The following STXBP5 variants were observed in gnomAD, a reference collection of about 807,000 sequenced individuals.
The protein encoded by STXBP5 is syntaxin binding protein 5.
Under a neutral mutation model 152.4 loss-of-function variants are expected in STXBP5, and 50 were observed. That is an observed-to-expected ratio of 0.33 (90% confidence interval 0.26 to 0.42). STXBP5 has a LOEUF of 0.42. Ranked by LOEUF, STXBP5 falls within the 10% of genes least tolerant of loss-of-function variation. The probability of loss-of-function intolerance (pLI) is 1.00; values close to 1 mark genes in which losing one functional copy is unlikely to be tolerated. For missense variants in STXBP5, 1,167 were observed against 1,388.6 expected, an observed-to-expected ratio of 0.84 and a Z score of 2.54; for synonymous variants, 492 against 494.7, an observed-to-expected ratio of 0.99 and a Z score of 0.07.
chr6:147,223,988 T>C (rs1255925354), intron 2 of STXBP5, among the ~76,000 whole-genome samples: 1 of 151,764 alleles, frequency 6.6e-6, no homozygotes, highest in East Asian at 2.1e-4. Context: ...TGTGAAACTG[T>C]TACGTGAAAT....
chr6:147,273,785 A>C (rs1780299158), intron 7 of STXBP5, among the ~76,000 whole-genome samples: 1 of 152,128 alleles, frequency 6.6e-6, no homozygotes, highest in East Asian at 1.9e-4. Context: ...CCCCATCTCT[A>C]CTAAAAATAC....
chr6:147,278,525 T>G (rs1334184289), intron 8 of STXBP5, among the ~76,000 whole-genome samples: 1 of 152,138 alleles, frequency 6.6e-6, no homozygotes, highest in Non-Finnish European at 1.5e-5. Context: ...TACATTAAGC[T>G]TTTCCATCTC....
chr6:147,257,028 G>A (rs571927466), intron 4 of STXBP5, among the ~76,000 whole-genome samples: 1 of 152,034 alleles, frequency 6.6e-6, no homozygotes, highest in African/African-American at 2.4e-5. Context: ...ATAGCAAATA[G>A]GATGTATGTG....
chr6:147,363,871 T>G, intron 24 of STXBP5, 130 bp from the exon 25 acceptor site: 1 of 1,366,876 alleles, frequency 7.3e-7, no homozygotes, highest in African/African-American at 1.5e-5. Context: ...ATAAACCATT[T>G]TTTATCTCCC....
At chr6:147,333,875 T>C (rs1489120004) in intron 18 of STXBP5, among the ~76,000 whole-genome samples, 3 of 152,244 alleles carry the variant, frequency 2.0e-5, no homozygotes, top group Non-Finnish European at 2.9e-5. Flanking sequence ...GGGGTTTTTA[T>C]AACGTCAATC....
At chr6:147,306,198 T>G (rs890504780) in intron 9 of STXBP5, among the ~76,000 whole-genome samples, 4 of 152,144 alleles carry the variant, frequency 2.6e-5, no homozygotes, top group Admixed American at 2.0e-4. Flanking sequence ...AGCTCAGCTG[T>G]AGGGTTAGTG....
chr6:147,311,956 C>G (rs1782402855), intron 11 of STXBP5, among the ~76,000 whole-genome samples: 1 of 152,178 alleles, frequency 6.6e-6, no homozygotes, highest in African/African-American at 2.4e-5. Context: ...CCTCTTCAAA[C>G]CATGGTTCAG....
intron 21 of STXBP5, among the ~76,000 whole-genome samples, chr6:147,345,257 T>C (rs975512160): frequency 4.6e-5 from 7 of 152,192 alleles, no homozygotes; most frequent in Non-Finnish European, 1.0e-4. Flanking sequence ...GAAACAGACA[T>C]ATATAGAGCG....
intron 2 of STXBP5, among the ~76,000 whole-genome samples, chr6:147,221,907 T>C (rs1044767609): frequency 6.6e-6 from 1 of 152,280 alleles, no homozygotes; most frequent in East Asian, 1.9e-4. Flanking sequence ...CGCCTTTTGT[T>C]GTTGTCTCTC....
At chr6:147,213,290 G>C (rs1776955500) in intron 2 of STXBP5, among the ~76,000 whole-genome samples, 1 of 150,372 alleles carries the variant, frequency 6.7e-6, no homozygotes, top group African/African-American at 2.5e-5. Context: ...TTTTGAGATA[G>C]GGTTTCTTTC....
At chr6:147,208,391 G>T (rs1041170457) in intron 2 of STXBP5, among the ~76,000 whole-genome samples, 1 of 152,038 alleles carries the variant, frequency 6.6e-6, no homozygotes, top group Admixed American at 6.5e-5. Flanking sequence ...TTCCATATAT[G>T]TGCTTTCAGG....
intron 25 of STXBP5, among the ~76,000 whole-genome samples, chr6:147,366,740 G>A (rs1050826928): frequency 6.6e-6 from 1 of 152,148 alleles, no homozygotes; most frequent in African/African-American, 2.4e-5. Flanking sequence ...TCCTTGCCAG[G>A]TAATATTTGT....
At chr6:147,211,580 C>G (rs966229492) in intron 2 of STXBP5, among the ~76,000 whole-genome samples, 6 of 151,782 alleles carry the variant, frequency 4.0e-5, no homozygotes, top group Non-Finnish European at 8.8e-5. Flanking sequence ...TAGAATTTAG[C>G]CAGTGTGTTT....
chr6:147,340,151 C>T (rs948148548), intron 21 of STXBP5, among the ~76,000 whole-genome samples: 1 of 151,880 alleles, frequency 6.6e-6, no homozygotes, highest in African/African-American at 2.4e-5. Context: ...TGTATTATTT[C>T]CTCCCAAAAC....
chr6:147,350,736 T>C (rs1450453736), intron 21 of STXBP5, among the ~76,000 whole-genome samples: 1 of 152,184 alleles, frequency 6.6e-6, no homozygotes, highest in African/African-American at 2.4e-5. Context: ...GTGTTTTACA[T>C]TTTATGACAA....
chr6:147,329,644 G>A (rs1390526472), intron 18 of STXBP5, among the ~76,000 whole-genome samples: 2 of 574 alleles, frequency 3.5e-3, no homozygotes, highest in Non-Finnish European at 9.9e-3. Flanking sequence ...TTTTTTTTTT[G>A]AGACGGAGTC....
chr6:147,263,229 A>T (rs1278164940), intron 6 of STXBP5, among the ~76,000 whole-genome samples: 1 of 151,954 alleles, frequency 6.6e-6, no homozygotes, highest in African/African-American at 2.4e-5. Context: ...TTAAAAGCCA[A>T]GCCTTTCAAT....
At chr6:147,374,372 A>AT (rs969617239) in intron 26 of STXBP5, among the ~76,000 whole-genome samples, 169 of 150,278 alleles carry the variant, frequency 1.1e-3, no homozygotes, top group Middle Eastern at 3.4e-3. Context: ...CTATCCTTTG[A>AT]TTTTTTTTTT....
chr6:147,375,118 A>T (rs950282902), intron 26 of STXBP5, among the ~76,000 whole-genome samples: 2 of 152,226 alleles, frequency 1.3e-5, no homozygotes, highest in Admixed American at 6.5e-5. Context: ...AGTCATAGAT[A>T]ACCAGGAACA....
Sources: gnomAD v4.1 joint callset for allele counts (sites outside exome capture counted in the v4.1 genomes callset) on GRCh38, gnomAD v4.1.1 for gene constraint, MANE v1.5 for transcripts, NCBI Gene and HGNC (gene_info 2026-07-23, HGNC 2026-07-21) for gene names.